Variants in NPAT observed in about 807,000 individuals in gnomAD.
The protein encoded by NPAT is nuclear protein, coactivator of histone transcription, also known as protein NPAT.
Under a neutral mutation model 130.7 loss-of-function variants are expected in NPAT, and 52 were observed. That is an observed-to-expected ratio of 0.40 (90% CI 0.32 to 0.50). The LOEUF (loss-of-function observed/expected upper bound fraction) is 0.50. Ranked by LOEUF, NPAT falls within the 20% of genes least tolerant of loss-of-function variation. The pLI is 0.68. For synonymous variants in NPAT, 580 were observed against 584.8 expected, an observed-to-expected ratio of 0.99 and a Z score of 0.12; for missense variants, 1,687 against 1,662.6, an observed-to-expected ratio of 1.01 and a Z score of -0.26.
intron 4 of NPAT, among the ~76,000 whole-genome samples, chr11:108,191,037 C>T (rs2078164532): frequency 6.6e-6 from 1 of 152,144 alleles, no homozygotes; most frequent in African/African-American, 2.4e-5. Context: ...CACCGCATTC[C>T]AGCTTGGGTA....
intron 17 of NPAT, among the ~76,000 whole-genome samples, chr11:108,160,396 G>A (rs2077834706): frequency 6.6e-6 from 1 of 151,968 alleles, no homozygotes. Context: ...AAGGGCCTAT[G>A]GAAGAGATTA....
intron 5 of NPAT, among the ~76,000 whole-genome samples, 193 bp downstream of exon 5, chr11:108,190,267 C>T (rs939427999): frequency 1.6e-5 from 2 of 125,524 alleles, no homozygotes; most frequent in African/African-American, 3.1e-5. Context: ...GAGCTGAGAT[C>T]GTGCCACTGC....
intron 1 of NPAT, among the ~76,000 whole-genome samples, chr11:108,204,639 G>A (rs12293027): frequency 0.022 from 3,301 of 152,312 alleles, 120 homozygotes; most frequent in African/African-American, 0.075. Flanking sequence ...GCGGACAGCC[G>A]CCCCACATGA....
intron 3 of NPAT, among the ~76,000 whole-genome samples, chr11:108,192,603 T>C (rs2078180892): frequency 6.6e-6 from 1 of 152,240 alleles, no homozygotes; most frequent in Admixed American, 6.5e-5. Flanking sequence ...AATTTAATCC[T>C]CAATTTTCTC....
At chr11:108,180,975 T>C (rs971802270) in intron 10 of NPAT, among the ~76,000 whole-genome samples, 4 of 152,196 alleles carry the variant, frequency 2.6e-5, no homozygotes, top group African/African-American at 9.7e-5. Flanking sequence ...ATGTGAGGTA[T>C]GTAAAGCAAT....
intron 10 of NPAT, among the ~76,000 whole-genome samples, chr11:108,178,083 T>C (rs1724460156): frequency 6.6e-6 from 1 of 152,322 alleles, no homozygotes; most frequent in African/African-American, 2.4e-5. Flanking sequence ...GCTTTATAGG[T>C]CCTTCAATAT....
At chr11:108,170,087 TTTTGGCACAAAACAAACAAATG>T (rs756379654) in intron 13 of NPAT, 44 bp from the exon 14 acceptor site, 14 of 1,318,352 alleles carry the variant, frequency 1.1e-5, no homozygotes, top group African/African-American at 1.4e-5. Context: ...CTCTGAAATG[TTTTGGCACAAAACAAACAAATG>T]TTTGGCACAA....
intron 1 of NPAT, among the ~76,000 whole-genome samples, chr11:108,213,519 C>A (rs112807127): frequency 6.6e-6 from 1 of 152,142 alleles, no homozygotes; most frequent in Non-Finnish European, 1.5e-5. Flanking sequence ...CCTAAATCCA[C>A]GCAAAGACAT....
rs190621427 is a variant in NPAT, at chr11:108,166,065, G to A, written c.3010+3679C>T. Among the ~76,000 whole-genome samples, 651 of 152,038 alleles carry A rather than the reference G, an allele frequency of 4.3e-3. 5 individuals carry two copies. The highest frequency in any genetic ancestry group is 0.01 in the East Asian group (54 of 5,150). ...CCCAAAGTGCTGGAATTATAGGAGT[G>A]GAGCCATTGTGCCCAAAGTCTTCTC... is the stretch of plus-strand genomic sequence containing the variant. On this transcript the variant is annotated intron_variant, in intron 15 of 17. Coordinates refer to ENST00000278612, the MANE Select transcript of NPAT (RefSeq NM_002519.3).
chr11:108,222,444 T>C lies in NPAT; in HGVS notation c.37+56A>G, dbSNP rs1591428521. On this transcript the variant is annotated intron_variant, in intron 1 of 17. Coordinates refer to ENST00000278612, the MANE Select transcript of NPAT (RefSeq NM_002519.3). Reference sequence around the variant, plus strand: ...AAGGGAAAACCTTTGGCCTCAAAGGTCCTTCTGTCCAGCATAGCCGGGTCC... The same window carrying C: ...AAGGGAAAACCTTTGGCCTCAAAGGCCCTTCTGTCCAGCATAGCCGGGTCC... 8.8e-6 allele frequency: 14 copies of C among 1,595,818 alleles called. No individual in the cohort carries two copies. In the East Asian group the frequency reaches 2.7e-4, roughly 31 times the overall value.
chr11:108,176,487 G>T, intron 11 of NPAT, 113 bp from the exon 12 acceptor site: 1 of 792,886 alleles, frequency 1.3e-6, no homozygotes, highest in Non-Finnish European at 2.1e-6. Context: ...AGGGTTTTAT[G>T]GATGTTTAAA....
chr11:108,180,379 A>G (rs894495212), intron 10 of NPAT, among the ~76,000 whole-genome samples: 2 of 152,206 alleles, frequency 1.3e-5, no homozygotes, highest in African/African-American at 4.8e-5. Flanking sequence ...CTCAACAACA[A>G]AAAACCTGAT....
At chr11:108,176,112 ACAGAGAG>A (rs2078003157) in intron 12 of NPAT, 127 bp downstream of exon 12, 1 of 686,228 alleles carries the variant, frequency 1.5e-6, no homozygotes, top group South Asian at 1.8e-5. Context: ...ATTGTTTTTA[ACAGAGAG>A]AAAAATACAA....
At chr11:108,222,335 A>ACTGCC (rs1053434272) in intron 1 of NPAT, 165 bp downstream of exon 1, 2 of 767,036 alleles carry the variant, frequency 2.6e-6, no homozygotes, top group Non-Finnish European at 4.5e-6. Flanking sequence ...AGAGGCTTAA[A>ACTGCC]CTGCCCAGAA....
chr11:108,214,140 C>A (rs761169152), intron 1 of NPAT, among the ~76,000 whole-genome samples: 8 of 152,210 alleles, frequency 5.3e-5, no homozygotes, highest in Non-Finnish European at 8.8e-5. Flanking sequence ...AAGCAATCCT[C>A]CTGCCTTGGC....
At position 108,189,162 on chromosome 11, in the gene NPAT, G is replaced by T; in HGVS notation, c.500C>A (p.Pro167Gln). 6.2e-7 allele frequency: 1 copy of T among 1,614,144 alleles called. No individual in the cohort carries two copies. Among genetic ancestry groups the T allele is most frequent in the Non-Finnish European group, 8.5e-7 (1 of 1,180,026 alleles). The change falls in exon 6 of 18, where the codon CCA becomes CAA. Residue 167 changes from proline to glutamine, a missense_variant. By Grantham distance (76) the Pro-to-Gln change is moderately conservative. Around this residue, in one of 3 missense-constraint regions of NPAT, gnomAD observed 307 missense variants for 298.9 expected, o/e 1.03. Transcript: ENST00000278612. ...GACCACTACAAAATATGACCTCGAT[G>T]GATCTGAAATTTGGCCACTTGGTCG... ...VTRPSGQISD[P>Q]SRSYFVVVNH...
chr11:108,219,608 T>C (rs75092469), intron 1 of NPAT, among the ~76,000 whole-genome samples: 1,973 of 152,242 alleles, frequency 0.013, 19 homozygotes, highest in Non-Finnish European at 0.021. Context: ...CTAAGACTAC[T>C]AATAAAACAA....
rs763517192 is a variant in NPAT, at chr11:108,172,134, T to C, written c.2785+65A>G. 4.4e-6 allele frequency: 6 copies of C among 1,377,690 alleles called. No individual in the cohort carries two copies. In the Admixed American group the frequency reaches 5.0e-5, roughly 12 times the overall value. 85.3% of individuals were successfully genotyped at this position (1,377,690 alleles called of 1,614,324 possible). A position where few individuals can be genotyped will look rare whatever the true frequency, so the allele number is the denominator to read the frequency against. On this transcript the variant is annotated intron_variant, in intron 13 of 17. Transcript: ENST00000278612. ...AGTTATTACTTCGCAGTCAATAACATCACATACAAAAGAAATTAGATCCCA... is the reference window on the plus strand; with the variant it reads ...AGTTATTACTTCGCAGTCAATAACACCACATACAAAAGAAATTAGATCCCA...
chr11:108,162,592 A>G (rs1305297278), intron 15 of NPAT, among the ~76,000 whole-genome samples: 1 of 151,944 alleles, frequency 6.6e-6, no homozygotes, highest in Non-Finnish European at 1.5e-5. Flanking sequence ...AACCATGCTC[A>G]GCTAATTTTT....
Sources: allele counts gnomAD v4.1 joint callset (sites outside exome capture counted in the v4.1 genomes callset), GRCh38; gene constraint gnomAD v4.1.1; regional missense constraint gnomAD v4.1.1; transcripts MANE v1.5; gene names NCBI Gene and HGNC (gene_info 2026-07-23, HGNC 2026-07-21).